MEF2B: variants seen among roughly 807,000 people sequenced by gnomAD.
The protein encoded by MEF2B is myocyte-specific enhancer factor 2B.
Under a neutral mutation model 32.2 loss-of-function variants are expected in MEF2B, and 15 were observed. The observed-to-expected ratio is 0.47, with a 90% CI of 0.31 to 0.72. MEF2B has a LOEUF of 0.72. Among genes scored for constraint, MEF2B ranks in the 30% least tolerant of loss-of-function variants. The probability of loss-of-function intolerance (pLI) is 0.05; values close to 1 mark genes in which losing one functional copy is unlikely to be tolerated. For missense variants in MEF2B, 441 were observed against 511.5 expected, an observed-to-expected ratio of 0.86 and a Z score of 1.33; for synonymous variants, 205 against 225.6, an observed-to-expected ratio of 0.91 and a Z score of 0.82.
intron 2 of MEF2B, among the ~76,000 whole-genome samples, chr19:19,150,083 CAAAAAAAAA>C (rs562187293): frequency 0.29 from 13,278 of 46,024 alleles, 963 homozygotes; most frequent in Middle Eastern, 0.43. Flanking sequence ...AACTCCATCT[CAAAAAAAAA>C]AAAAAAAAAA....
chr19:19,168,278 T>TC, intron 1 of MEF2B, among the ~76,000 whole-genome samples: 1 of 146,948 alleles, frequency 6.8e-6, no homozygotes, highest in East Asian at 2.0e-4. Context: ...CTTTTTTTTT[T>TC]TTTTTTTTTT....
At chr19:19,154,769 G>A (rs2157849) in intron 1 of MEF2B, among the ~76,000 whole-genome samples, 51,696 of 152,098 alleles carry the variant, frequency 0.34, 8,777 homozygotes, top group African/African-American at 0.38. Flanking sequence ...GATGGGGCTT[G>A]GTTTATTATT....
chr19:19,149,793 G>C (rs1428825642), intron 2 of MEF2B, among the ~76,000 whole-genome samples: 1 of 151,914 alleles, frequency 6.6e-6, no homozygotes, highest in Non-Finnish European at 1.5e-5. Flanking sequence ...TCATGAAAAT[G>C]AGCAGGCCAG....
chr19:19,162,263 C>T (rs972429257), intron 1 of MEF2B, among the ~76,000 whole-genome samples: 3 of 152,126 alleles, frequency 2.0e-5, no homozygotes, highest in Non-Finnish European at 2.9e-5. Context: ...GGGCTACAAG[C>T]GCACACCTAA....
At chr19:19,167,071 C>G (rs913607960) in intron 1 of MEF2B, among the ~76,000 whole-genome samples, 13 of 151,616 alleles carry the variant, frequency 8.6e-5, no homozygotes, top group African/African-American at 3.2e-4. Context: ...TGGTCACAGG[C>G]TGGCCACAGT....
intron 1 of MEF2B, among the ~76,000 whole-genome samples, chr19:19,152,002 C>T (rs1249081001): frequency 7.0e-6 from 1 of 143,592 alleles, no homozygotes; most frequent in Non-Finnish European, 1.5e-5. Flanking sequence ...CTCTTGTTGC[C>T]CAGGCTGGAG....
At chr19:19,153,327 G>A (rs2060097876) in intron 1 of MEF2B, among the ~76,000 whole-genome samples, 1 of 152,182 alleles carries the variant, frequency 6.6e-6, no homozygotes, top group East Asian at 1.9e-4. Flanking sequence ...TGAGTTCCAG[G>A]CAGAAGGAAG....
At chr19:19,159,849 T>C (rs12975566) in intron 1 of MEF2B, among the ~76,000 whole-genome samples, 8 of 151,870 alleles carry the variant, frequency 5.3e-5, no homozygotes, top group Non-Finnish European at 1.0e-4. Flanking sequence ...ACCCTTCCAC[T>C]GACCCTTCCC....
intron 1 of MEF2B, among the ~76,000 whole-genome samples, chr19:19,169,742 A>C (rs1466657046): frequency 6.6e-6 from 1 of 152,104 alleles, no homozygotes; most frequent in Non-Finnish European, 1.5e-5. Context: ...CCCCGTTCCA[A>C]GGTTTTGTGC....
intron 2 of MEF2B, 133 bp from the exon 3 acceptor site, chr19:19,149,562 C>A: frequency 8.0e-7 from 1 of 1,254,104 alleles, no homozygotes; most frequent in East Asian, 2.5e-5. Context: ...TGGTAATTCT[C>A]ATGTCACAAC....
At chr19:19,156,349 A>G (rs1217579163) in intron 1 of MEF2B, among the ~76,000 whole-genome samples, 1 of 151,924 alleles carries the variant, frequency 6.6e-6, no homozygotes, top group Admixed American at 6.6e-5. Flanking sequence ...GCTTGAGCCT[A>G]GCGGTTCAAG....
chr19:19,158,739 C>CA (rs2060137995), intron 1 of MEF2B, among the ~76,000 whole-genome samples: 1 of 151,608 alleles, frequency 6.6e-6, no homozygotes, highest in South Asian at 2.1e-4. Flanking sequence ...GCCTGGGTGA[C>CA]ACAGCCAGAC....
At chr19:19,163,061 G>A (rs978313354) in intron 1 of MEF2B, among the ~76,000 whole-genome samples, 8 of 152,146 alleles carry the variant, frequency 5.3e-5, no homozygotes, top group East Asian at 1.9e-4. Context: ...CCAACCCCGG[G>A]ACACCCTTCT....
intron 1 of MEF2B, among the ~76,000 whole-genome samples, chr19:19,168,138 A>G (rs2060224040): frequency 6.6e-6 from 1 of 152,236 alleles, no homozygotes; most frequent in African/African-American, 2.4e-5. Context: ...TTTTGTATCC[A>G]GTTTCCTTCA....
intron 2 of MEF2B, 121 bp from the exon 3 acceptor site, chr19:19,149,550 G>T: frequency 7.4e-7 from 1 of 1,345,254 alleles, no homozygotes. Context: ...TTCTGGCTGA[G>T]CTGGTAATTC....
chr19:19,158,619 G>T (rs114681259), intron 1 of MEF2B, among the ~76,000 whole-genome samples: 7,217 of 149,252 alleles, frequency 0.048, 205 homozygotes, highest in African/African-American at 0.081. Context: ...AATTAGCTAA[G>T]TGTGGTGGCA....
At chr19:19,167,662 T>A (rs112484361) in intron 1 of MEF2B, among the ~76,000 whole-genome samples, 1 of 152,194 alleles carries the variant, frequency 6.6e-6, no homozygotes, top group Non-Finnish European at 1.5e-5. Flanking sequence ...ATTTTCCAGA[T>A]GTCCACCTGG....
chr19:19,159,335 C>G (rs2060142763), intron 1 of MEF2B, among the ~76,000 whole-genome samples: 1 of 150,598 alleles, frequency 6.6e-6, no homozygotes. Context: ...GCGGGAGGAT[C>G]ACGTGAGCCC....
At chr19:19,157,869 A>ACAAAAAT (rs1335741010) in intron 1 of MEF2B, among the ~76,000 whole-genome samples, 2 of 151,596 alleles carry the variant, frequency 1.3e-5, no homozygotes, top group Non-Finnish European at 2.9e-5. Context: ...AAAACAAAAA[A>ACAAAAAT]CCCTCACTGA....
Sources: gnomAD v4.1 joint callset for allele counts (sites outside exome capture counted in the v4.1 genomes callset) on GRCh38, gnomAD v4.1.1 for gene constraint, MANE v1.5 for transcripts, NCBI Gene and HGNC (gene_info 2026-07-23, HGNC 2026-07-21) for gene names.